Variants in CWF19L2 observed in about 807,000 individuals in gnomAD.
CWF19L2 encodes the protein CWF19-like protein 2.
In CWF19L2, 98 loss-of-function variants were observed where a neutral mutation model predicts 111.7. The ratio of observed to expected loss-of-function variants is 0.88; its 90% CI spans 0.75 to 1.04. CWF19L2 has a LOEUF of 1.04. CWF19L2 is among the 50% of genes least tolerant of loss of function. The pLI is 0.00. For synonymous variants in CWF19L2, 351 were observed against 342.9 expected, an observed-to-expected ratio of 1.02 and a Z score of -0.26; for missense variants, 1,101 against 1,051.4, an observed-to-expected ratio of 1.05 and a Z score of -0.65.
chr11:107,426,044 C>T (rs148067271), intron 8 of CWF19L2, among the ~76,000 whole-genome samples: 1 of 151,104 alleles, frequency 6.6e-6, no homozygotes, highest in East Asian at 1.9e-4. Flanking sequence ...AATCGCAGGG[C>T]CTAAAATGAA....
At chr11:107,382,720 C>T (rs909503801) in intron 12 of CWF19L2, among the ~76,000 whole-genome samples, 1 of 152,224 alleles carries the variant, frequency 6.6e-6, no homozygotes, top group Non-Finnish European at 1.5e-5. Context: ...ACTCCCATAG[C>T]TATTGTTACA....
At position 107,373,525 on chromosome 11, in the gene CWF19L2, T is replaced by A. The variant is rs1201803375; in HGVS notation, c.1872+16549A>T. On this transcript the variant is annotated intron_variant, in intron 12 of 17. Transcript: ENST00000282251. ...AGGAGGGGCAGACTGACACCTCACA[T>A]GGCTGGGTACTTCAACAGACCTGCA... 7.7e-5 allele frequency among the ~76,000 whole-genome samples: 10 copies of A among 130,226 alleles called. 3 individuals carry two copies. Among genetic ancestry groups the A allele is most frequent in the Admixed American group, 3.7e-4 (5 of 13,550 alleles). 85.4% of individuals were successfully genotyped at this position (130,226 alleles called of 152,430 possible).
At chr11:107,454,259 T>C (rs1047305303) in intron 3 of CWF19L2, among the ~76,000 whole-genome samples, 191 bp downstream of exon 3, 4 of 152,348 alleles carry the variant, frequency 2.6e-5, no homozygotes, top group African/African-American at 9.6e-5. Flanking sequence ...CCTCTTAGCC[T>C]TTCTCTGAAA....
chr11:107,361,711 C>A (rs1860340829), intron 12 of CWF19L2, among the ~76,000 whole-genome samples: 1 of 152,054 alleles, frequency 6.6e-6, no homozygotes, highest in Non-Finnish European at 1.5e-5. Flanking sequence ...AAATATATTC[C>A]TAGGTATTAT....
At chr11:107,439,268 TA>T in intron 5 of CWF19L2, 85 bp from the exon 6 acceptor site, 1 of 757,548 alleles carries the variant, frequency 1.3e-6, no homozygotes, top group Non-Finnish European at 2.2e-6. Context: ...GAGACCCAGT[TA>T]ATAGTCATAA....
chr11:107,395,977 T>TC (rs1860915980), intron 10 of CWF19L2, among the ~76,000 whole-genome samples: 3 of 152,230 alleles, frequency 2.0e-5, no homozygotes, highest in Middle Eastern at 6.8e-3. Context: ...ATTAATTGTA[T>TC]CCCAAAACTA....
intron 12 of CWF19L2, among the ~76,000 whole-genome samples, chr11:107,356,367 A>G (rs1860237339): frequency 6.6e-6 from 1 of 152,174 alleles, no homozygotes; most frequent in African/African-American, 2.4e-5. Context: ...AAATAGAAGA[A>G]AATTTATTTA....
chr11:107,353,842 T>C (rs1860195566), intron 12 of CWF19L2, 106 bp from the exon 13 acceptor site: 8 of 776,156 alleles, frequency 1.0e-5, no homozygotes, highest in South Asian at 7.2e-5. Flanking sequence ...ATAAAACTAA[T>C]ACATTTAAAA....
intron 2 of CWF19L2, among the ~76,000 whole-genome samples, chr11:107,455,400 G>A (rs2135433194): frequency 6.6e-6 from 1 of 152,032 alleles, no homozygotes; most frequent in South Asian, 2.1e-4. Context: ...TAAATTTTTA[G>A]GCCTATAAGC....
At chr11:107,342,511 T>A (rs1860019558) in intron 14 of CWF19L2, among the ~76,000 whole-genome samples, 1 of 152,162 alleles carries the variant, frequency 6.6e-6, no homozygotes, top group African/African-American at 2.4e-5. Flanking sequence ...TCCACTGTGA[T>A]CAGAGAATGC....
intron 10 of CWF19L2, among the ~76,000 whole-genome samples, chr11:107,405,727 T>C (rs553805187): frequency 1.4e-4 from 22 of 151,870 alleles, no homozygotes; most frequent in African/African-American, 5.1e-4. Context: ...AGGCAGTTCA[T>C]AGACTGCAGT....
At chr11:107,362,786 G>C (rs1020660466) in intron 12 of CWF19L2, among the ~76,000 whole-genome samples, 24 of 151,746 alleles carry the variant, frequency 1.6e-4, no homozygotes, top group Admixed American at 9.2e-4. Context: ...CCAAAGGAAC[G>C]CAGTTCCTCA....
chr11:107,454,488 T>A lies in CWF19L2; in HGVS notation c.301A>T (p.Lys101Ter). ...GATGACTCATTGTTTTTTTCATATT[T>A]CTGTTTCTTGCTCTTTTTTTTCTTT... ...KEKKKKSKKQ[K>*]YEKNNESSDS... is the part of the protein sequence containing the mutation. The change falls in exon 3 of 18, where the codon AAA becomes TAA. Residue 101 changes from lysine (K) to a stop codon, truncating the protein, a stop_gained. Coordinates refer to ENST00000282251, the MANE Select transcript of CWF19L2 (RefSeq NM_152434.3). LOFTEE classifies it high-confidence loss of function. 1 of 1,473,210 alleles carries A rather than the reference T, an allele frequency of 6.8e-7. No individual in the cohort carries two copies. Among genetic ancestry groups the A allele is most frequent in the East Asian group, 2.6e-5 (1 of 38,828 alleles). The allele number at this position is 1,473,210 out of a possible 1,614,324, so 91.3% of individuals were successfully genotyped here. A position where few individuals can be genotyped will look rare whatever the true frequency, so the allele number is the denominator to read the frequency against.
At chr11:107,345,911 G>A (rs1860073487) in intron 14 of CWF19L2, among the ~76,000 whole-genome samples, 1 of 152,084 alleles carries the variant, frequency 6.6e-6, no homozygotes, top group African/African-American at 2.4e-5. Context: ...CCCATGTTAT[G>A]GAGATGACAT....
In CWF19L2 at chr11:107,455,316, T is replaced by TA. The variant is rs934972996; in HGVS notation, c.216+349dup. ...TTATTTGTCAATTAAAAATAATTTT[T>TA]AAAAAAATTATAGGAAAACAGGCTT... On this transcript the variant is annotated intron_variant, in intron 2 of 17. Transcript: ENST00000282251. Among the ~76,000 whole-genome samples the TA allele has an allele frequency of 8.6e-5, 13 of 151,900 alleles. No individual in the cohort carries two copies. In the South Asian group the frequency reaches 2.7e-3, roughly 31 times the overall value.
chr11:107,419,549 AG>A (rs1861275677), intron 8 of CWF19L2, among the ~76,000 whole-genome samples: 1 of 152,204 alleles, frequency 6.6e-6, no homozygotes, highest in Non-Finnish European at 1.5e-5. Flanking sequence ...ACAGCAGACA[AG>A]GATACTAAAA....
intron 12 of CWF19L2, among the ~76,000 whole-genome samples, chr11:107,383,814 T>A (rs564948096): frequency 1.4e-4 from 21 of 152,210 alleles, no homozygotes; most frequent in Non-Finnish European, 3.1e-4. Context: ...ATAGGGCAGA[T>A]CTGAATACTG....
chr11:107,446,847 C>T (rs1861708329), intron 3 of CWF19L2, among the ~76,000 whole-genome samples: 1 of 152,194 alleles, frequency 6.6e-6, no homozygotes, highest in Non-Finnish European at 1.5e-5. Context: ...TGATGCTCCC[C>T]ATGCTACGAC....
At chr11:107,417,779 C>T (rs1284846789) in intron 9 of CWF19L2, among the ~76,000 whole-genome samples, 1 of 148,736 alleles carries the variant, frequency 6.7e-6, no homozygotes, top group Non-Finnish European at 1.5e-5. Flanking sequence ...TTTTTTGAGA[C>T]ACAGTCTCGC....
Sources: allele counts gnomAD v4.1 joint callset (sites outside exome capture counted in the v4.1 genomes callset), GRCh38; gene constraint gnomAD v4.1.1; transcripts MANE v1.5; gene names NCBI Gene and HGNC (gene_info 2026-07-23, HGNC 2026-07-21).